Variants in CACNA1H observed in about 807,000 individuals in gnomAD.
CACNA1H encodes voltage-dependent T-type calcium channel subunit alpha-1H.
CACNA1H carries 149 observed loss-of-function variants against 192.5 expected under a neutral mutation model. The observed-to-expected ratio is 0.77, with a 90% CI of 0.68 to 0.89. The LOEUF (loss-of-function observed/expected upper bound fraction) is 0.89, where lower values mean the gene tolerates loss of function less well. CACNA1H is among the 40% of genes least tolerant of loss of function. The pLI is 0.00. For synonymous variants in CACNA1H, 2,202 were observed against 1,475.2 expected (o/e 1.49, Z -11.29); for missense variants, 4,257 against 3,423.5 (o/e 1.24, Z -6.08).
At chr16:1,208,294 T>C in intron 16 of CACNA1H, 73 bp downstream of exon 16, 2 of 1,052,916 alleles carry the variant, frequency 1.9e-6, no homozygotes, top group Non-Finnish European at 2.8e-6. Context: ...TGGCCTTCCC[T>C]GAAGATGAGT....
chr16:1,168,599 C>T (rs1383111568), intron 2 of CACNA1H, among the ~76,000 whole-genome samples: 2 of 152,008 alleles, frequency 1.3e-5, no homozygotes, highest in East Asian at 3.9e-4. Flanking sequence ...GTTGATGATC[C>T]AGTGTGTCTG....
intron 2 of CACNA1H, among the ~76,000 whole-genome samples, chr16:1,159,194 G>C (rs1343612358): frequency 6.6e-6 from 1 of 152,214 alleles, no homozygotes; most frequent in Non-Finnish European, 1.5e-5. Context: ...CCGGGTGTCC[G>C]TATCCCGGGG....
At chr16:1,162,279 G>T (rs117486187) in intron 2 of CACNA1H, among the ~76,000 whole-genome samples, 2,327 of 152,220 alleles carry the variant, frequency 0.015, 25 homozygotes, top group Middle Eastern at 0.027. Context: ...TCCTGCCAGG[G>T]TGCCCCCACC....
chr16:1,175,688 A>C (rs1464905575), intron 2 of CACNA1H, among the ~76,000 whole-genome samples: 1 of 152,166 alleles, frequency 6.6e-6, no homozygotes, highest in Non-Finnish European at 1.5e-5. Flanking sequence ...TGCCGGAGGG[A>C]GGAGGAGGAG....
rs956180507 is a variant in CACNA1H at position 1,167,757 on chromosome 16, G to A, written c.299+13721G>A. ...GAAAGGAGCCCACCCCTCCTTCAGG[G>A]ACACACCCAGACACGGGAAACGGGA... is the stretch of plus-strand genomic sequence containing the variant. On this transcript the variant is annotated intron_variant, in intron 2 of 34. Transcript: ENST00000348261. This position sits in a 1 kb window ranked among gnomAD's most constrained non-coding sequence, Gnocchi z 4.2. 2.0e-5 allele frequency among the ~76,000 whole-genome samples: 3 copies of A among 152,170 alleles called. No homozygotes were observed. The highest frequency in any genetic ancestry group is 2.0e-4 in the Admixed American group (3 of 15,284).
chr16:1,215,119 C>T lies in CACNA1H; in HGVS notation c.5039+38C>T, dbSNP rs771969951. The stretch of plus-strand genomic sequence containing the variant: ...GGGCCGTCTTGGGTTCTGGGGGCCC[C>T]TCAGGGCTCTGGGGGCTGGGGGCAG... On this transcript the variant is annotated intron_variant, in intron 28 of 34. Coordinates refer to ENST00000348261, the MANE Select transcript of CACNA1H (RefSeq NM_021098.3). 4 of 1,593,206 alleles carry T rather than the reference C, an allele frequency of 2.5e-6. No individual in the cohort carries two copies. The South Asian group carries it at 4.5e-5, about 18-fold the overall frequency.
intron 9 of CACNA1H, among the ~76,000 whole-genome samples, chr16:1,203,546 G>A (rs1943226201): frequency 1.3e-5 from 2 of 152,112 alleles, no homozygotes; most frequent in African/African-American, 2.4e-5. Context: ...GATGTTTGTG[G>A]CTGCTGTACC....
At chr16:1,203,565 A>G (rs899468100) in intron 9 of CACNA1H, among the ~76,000 whole-genome samples, 4 of 152,128 alleles carry the variant, frequency 2.6e-5, no homozygotes, top group Non-Finnish European at 4.4e-5. Flanking sequence ...CCCACGAACT[A>G]GTGGGTTTAG....
At chr16:1,199,025 C>T (rs1244746100) in intron 6 of CACNA1H, 1 of 482,030 alleles carries the variant, frequency 2.1e-6, no homozygotes, top group African/African-American at 2.0e-5. Context: ...CACATATGCC[C>T]CACCCCCCAC....
chr16:1,217,626 C>T (rs139791530), intron 31 of CACNA1H, among the ~76,000 whole-genome samples: 3 of 152,348 alleles, frequency 2.0e-5, no homozygotes, highest in Non-Finnish European at 2.9e-5. Context: ...GGCGCCTACT[C>T]ATCCCCCGCC....
intron 2 of CACNA1H, among the ~76,000 whole-genome samples, chr16:1,171,825 C>T (rs1241184213): frequency 1.3e-5 from 2 of 152,214 alleles, no homozygotes; most frequent in South Asian, 2.1e-4. Flanking sequence ...CGTCTCCGAG[C>T]GCCAGCTGGG....
intron 5 of CACNA1H, among the ~76,000 whole-genome samples, chr16:1,198,107 G>A (rs1967212902): frequency 6.6e-6 from 1 of 152,142 alleles, no homozygotes; most frequent in African/African-American, 2.4e-5. Context: ...GAGACCCCCA[G>A]GAGGCAGCCC....
At position 1,218,359 on chromosome 16, in the gene CACNA1H, G is replaced by A. The variant is rs763015113; in HGVS notation, c.5595G>A (p.Glu1865=). The A allele has an allele frequency of 1.3e-6, 2 of 1,562,036 alleles. No homozygotes were observed. Among genetic ancestry groups the A allele is most frequent in the South Asian group, 1.2e-5 (1 of 84,602 alleles). Reference sequence around the variant, plus strand: ...CCGTGCTCATGAAGCACCTGGAGGAGAGCAACAAGGAGGCACGGGAGGATG... The same window carrying A: ...CCGTGCTCATGAAGCACCTGGAGGAAAGCAACAAGGAGGCACGGGAGGATG... ...VVAVLMKHLE[E]SNKEAREDAE... Residue 1865 remains glutamate, a synonymous_variant, in exon 33 of 35, where the codon GAG becomes GAA. Coordinates refer to ENST00000348261, the MANE Select transcript of CACNA1H (RefSeq NM_021098.3).
chr16:1,200,034 C>T (rs555516243), intron 6 of CACNA1H, among the ~76,000 whole-genome samples: 2 of 152,276 alleles, frequency 1.3e-5, no homozygotes, highest in Non-Finnish European at 1.5e-5. Flanking sequence ...CCACTGTGTT[C>T]TTGACCCTGG....
At position 1,207,118 on chromosome 16, in the gene CACNA1H, G is replaced by C; in HGVS notation, c.2907G>C (p.Gln969His). ...TGTGGGCCATCGTCACCGTGTTCCA[G>C]GTAGTGCCCGGGGTCCCCGCAGCAG... Reference protein sequence around the residue: ...SLLWAIVTVFQILTQEDWNVV... With the variant: ...SLLWAIVTVFHILTQEDWNVV... The change falls in exon 13 of 35, where the codon CAG becomes CAC. Residue 969 changes from glutamine (Q) to histidine (H), a missense_variant and splice_region_variant. Gln to His is a conservative substitution (Grantham distance 24). Transcript: ENST00000348261. 1 of 1,582,806 alleles carries C rather than the reference G, an allele frequency of 6.3e-7. No homozygotes were observed. Among genetic ancestry groups the C allele is most frequent in the East Asian group, 2.3e-5 (1 of 43,268 alleles).
At chr16:1,183,894 A>G (rs1454735789) in intron 2 of CACNA1H, among the ~76,000 whole-genome samples, 1 of 152,230 alleles carries the variant, frequency 6.6e-6, no homozygotes, top group Non-Finnish European at 1.5e-5. Flanking sequence ...GGGAGACTGA[A>G]TTAATTCCCT....
Position 1,211,981 on chromosome 16 carries a change from C to G in CACNA1H, c.4602C>G (p.Tyr1534Ter). 1.2e-6 allele frequency: 2 copies of G among 1,613,520 alleles called. No homozygotes were observed. Among genetic ancestry groups the G allele is most frequent in the Non-Finnish European group, 1.7e-6 (2 of 1,179,680 alleles). The change falls in exon 25 of 35, where the codon TAC becomes TAG. Residue 1534 changes from tyrosine to a stop codon, truncating the protein, a stop_gained. Transcript: ENST00000348261. LOFTEE classifies it high-confidence loss of function. Reference protein sequence around the residue: ...VQNHNPWMLLYFISFLLIVSF... With the variant: ...VQNHNPWMLL ...ACCACAACCCCTGGATGCTGCTGTA[C>G]TTCATCTCCTTCCTGCTCATCGTCA... is the stretch of plus-strand genomic sequence containing the variant.
intron 2 of CACNA1H, among the ~76,000 whole-genome samples, chr16:1,181,613 T>C (rs1965474964): frequency 6.6e-6 from 1 of 152,244 alleles, no homozygotes; most frequent in African/African-American, 2.4e-5. Context: ...TCAAGCTCTT[T>C]ATTAGAGATA....
chr16:1,153,641 C>T (rs1156730441), intron 1 of CACNA1H, 79 bp from the exon 2 acceptor site: 22 of 916,534 alleles, frequency 2.4e-5, no homozygotes, highest in Non-Finnish European at 2.9e-5. Context: ...GCGGCCGCGG[C>T]TGTTCCCGCA....
Sources: allele counts gnomAD v4.1 joint callset (sites outside exome capture counted in the v4.1 genomes callset), GRCh38; gene constraint gnomAD v4.1.1; non-coding constraint Gnocchi (gnomAD v3.1); transcripts MANE v1.5; gene names NCBI Gene and HGNC (gene_info 2026-07-23, HGNC 2026-07-21).